The following AKAP11 variants were observed in gnomAD, a reference collection of about 807,000 sequenced individuals.
AKAP11 encodes A-kinase anchoring protein 11, also known as A-kinase anchor protein 11.
In AKAP11, 36 loss-of-function variants were observed where a neutral mutation model predicts 146.1. The ratio of observed to expected loss-of-function variants is 0.25; its 90% CI spans 0.19 to 0.33. AKAP11 has a LOEUF of 0.33. AKAP11 is among the 10% of genes least tolerant of loss of function. The pLI, the probability that AKAP11 is intolerant of heterozygous loss-of-function variation, is 1.00. For synonymous variants in AKAP11, 780 were observed against 786.5 expected, an observed-to-expected ratio of 0.99 and a Z score of 0.14; for missense variants, 2,201 against 2,197.0, an observed-to-expected ratio of 1.00 and a Z score of -0.04.
rs1960988618 is a variant in AKAP11 at position 42,319,541 on chromosome 13, A to T, written c.*313A>T. The T allele has an allele frequency of 1.4e-5, 3 of 218,358 alleles. No homozygotes were observed. In the South Asian group the frequency reaches 4.2e-4, roughly 30 times the overall value. The allele number at this position is 218,358 out of a possible 1,614,324, so 13.5% of individuals were successfully genotyped here. Reference sequence around the variant, plus strand: ...CATTGTCTGACCACATTCTTTTTGTATCCAAATAGTGCTGCTAGAAACTGC... The same window carrying T: ...CATTGTCTGACCACATTCTTTTTGTTTCCAAATAGTGCTGCTAGAAACTGC... On this transcript the variant is annotated 3_prime_UTR_variant, in exon 13 of 13. Transcript: ENST00000025301.
chr13:42,306,307 A>T (rs1027126624), intron 8 of AKAP11, among the ~76,000 whole-genome samples: 11 of 152,164 alleles, frequency 7.2e-5, no homozygotes, highest in Admixed American at 2.6e-4. Context: ...TCCTCAGTTC[A>T]GTCCTGTCTG....
chr13:42,297,527 A>G (rs541660991), intron 6 of AKAP11, among the ~76,000 whole-genome samples: 117 of 152,030 alleles, frequency 7.7e-4, no homozygotes, highest in Admixed American at 3.3e-3. Flanking sequence ...CCAATTTCAA[A>G]TTTATATAAA....
At chr13:42,306,632 C>T (rs1960273931) in intron 8 of AKAP11, among the ~76,000 whole-genome samples, 1 of 152,098 alleles carries the variant, frequency 6.6e-6, no homozygotes, top group Non-Finnish European at 1.5e-5. Flanking sequence ...GTAGAGTTTA[C>T]GTTTAACATT....
At position 42,300,858 on chromosome 13, in the gene AKAP11, G is replaced by A. The variant is rs759505399; in HGVS notation, c.2112G>A (p.Glu704=). The change falls in exon 8 of 13, where the codon GAG becomes GAA. Residue 704 remains glutamate (E), a synonymous_variant. Transcript: ENST00000025301. ...CTGTAATACAGGAAGCATTCATTGAGCTATCACAAGTTGATGTGACCTTTA... is the reference window on the plus strand; with the variant it reads ...CTGTAATACAGGAAGCATTCATTGAACTATCACAAGTTGATGTGACCTTTA... The part of the protein sequence containing the change: ...SESVIQEAFI[E]LSQVDVTFTT... The A allele has an allele frequency of 6.2e-6, 10 of 1,614,002 alleles. No homozygotes were observed. Among genetic ancestry groups the A allele is most frequent in the Admixed American group, 1.7e-5 (1 of 59,990 alleles).
intron 1 of AKAP11, among the ~76,000 whole-genome samples, chr13:42,282,628 T>C (rs1436781787): frequency 1.7e-4 from 26 of 152,212 alleles, no homozygotes; most frequent in Non-Finnish European, 2.1e-4. Context: ...TTTTGCATTC[T>C]GTGATTTTTC....
rs189814842 is a variant in AKAP11 at position 42,293,105 on chromosome 13, C to T, written c.168+604C>T. 2.6e-5 allele frequency among the ~76,000 whole-genome samples: 4 copies of T among 152,164 alleles called. No homozygotes were observed. In the East Asian group the frequency reaches 7.7e-4, roughly 29 times the overall value. On this transcript the variant is annotated intron_variant, in intron 4 of 12. Coordinates refer to ENST00000025301, the MANE Select transcript of AKAP11 (RefSeq NM_016248.4). ...CCATACTTCATCATCACATTTGTTACCAAATACGAGATGTATTAGGTCGTT... is the reference window on the plus strand; with the variant it reads ...CCATACTTCATCATCACATTTGTTATCAAATACGAGATGTATTAGGTCGTT...
In AKAP11 at chr13:42,301,941, C is replaced by T; in HGVS notation, c.3195C>T (p.Pro1065=). The T allele has an allele frequency of 6.2e-7, 1 of 1,614,138 alleles. No homozygotes were observed. Among genetic ancestry groups the T allele is most frequent in the Non-Finnish European group, 8.5e-7 (1 of 1,179,998 alleles). Residue 1065 remains proline, a synonymous_variant, in exon 8 of 13, where the codon CCC becomes CCT. Coordinates refer to ENST00000025301, the MANE Select transcript of AKAP11 (RefSeq NM_016248.4). ...LEALSFGQEN[P]FPHSHTFSST... is the part of the protein sequence containing the mutation. ...CCTTGTCTTTTGGACAGGAAAACCC[C>T]TTTCCTCATTCACATACTTTCTCAT...
chr13:42,294,069 T>G (rs945692124), intron 4 of AKAP11, among the ~76,000 whole-genome samples: 9 of 152,208 alleles, frequency 5.9e-5, no homozygotes, highest in African/African-American at 2.2e-4. Context: ...TATGTAACAC[T>G]TACATGAAGT....
At chr13:42,312,721 G>T (rs913587730) in intron 9 of AKAP11, among the ~76,000 whole-genome samples, 5 of 152,052 alleles carry the variant, frequency 3.3e-5, no homozygotes, top group African/African-American at 4.8e-5. Flanking sequence ...GTTCAAGATT[G>T]GTCCTAAGAC....
rs756242449 is a variant in AKAP11 at position 42,319,150 on chromosome 13, A to G, written c.5628A>G (p.Gln1876=). 4 of 1,614,136 alleles carry G rather than the reference A, an allele frequency of 2.5e-6. No individual in the cohort carries two copies. The highest frequency in any genetic ancestry group is 2.5e-6 in the Non-Finnish European group (3 of 1,179,992). ...KVGDLLQAVL[Q]YYEVMEKASS... is the part of the protein sequence containing the mutation. ...GAGACCTCCTGCAGGCTGTGCTTCA[A>G]TACTATGAAGTGATGGAAAAAGCTT... The change falls in exon 13 of 13, where the codon CAA becomes CAG. Residue 1876 remains glutamine, a synonymous_variant. Transcript: ENST00000025301.
intron 4 of AKAP11, among the ~76,000 whole-genome samples, chr13:42,294,391 T>G (rs1028781267): frequency 6.6e-6 from 1 of 152,028 alleles, no homozygotes. Context: ...AAAAGTAGTA[T>G]ATATATATTT....
intron 3 of AKAP11, among the ~76,000 whole-genome samples, chr13:42,291,138 G>T (rs1378269774): frequency 6.6e-6 from 1 of 151,962 alleles, no homozygotes; most frequent in African/African-American, 2.4e-5. Flanking sequence ...GATTGCAGCT[G>T]TTTGAGTTAA....
rs1190530227 is a variant in AKAP11 at position 42,320,884 on chromosome 13, TA to T, written c.*1659del. On this transcript the variant is annotated 3_prime_UTR_variant, in exon 13 of 13. Coordinates refer to ENST00000025301, the MANE Select transcript of AKAP11 (RefSeq NM_016248.4). ...TTCAAGAAAAATGCCAAAAGCTATT[TA>T]AATAATTCGAGGTTACATCGTAGGT... is the stretch of plus-strand genomic sequence containing the variant. The T allele has an allele frequency of 6.6e-6, 1 of 152,352 alleles. No individual in the cohort carries two copies. Among genetic ancestry groups the T allele is most frequent in the African/African-American group, 2.4e-5 (1 of 41,444 alleles). 9.4% of individuals were successfully genotyped at this position (152,352 alleles called of 1,614,324 possible). A position where few individuals can be genotyped will look rare whatever the true frequency, so the allele number is the denominator to read the frequency against.
chr13:42,298,873 G>A (rs1025508872), intron 7 of AKAP11, 76 bp downstream of exon 7: 2 of 1,408,678 alleles, frequency 1.4e-6, no homozygotes, highest in Non-Finnish European at 1.9e-6. Context: ...AGGCAGGCTT[G>A]TTCAGTTGAA....
chr13:42,301,032 G>A lies in AKAP11; in HGVS notation c.2286G>A (p.Lys762=), dbSNP rs1282440884. 5.0e-6 allele frequency: 8 copies of A among 1,613,970 alleles called. No homozygotes were observed. The highest frequency in any genetic ancestry group is 1.1e-5 in the South Asian group (1 of 91,074). The change falls in exon 8 of 13, where the codon AAG becomes AAA. Residue 762 remains lysine, a synonymous_variant. Coordinates refer to ENST00000025301, the MANE Select transcript of AKAP11 (RefSeq NM_016248.4). ...CAAAACCAGTGCAGGAATATAAAAA[G>A]GAATACACAGTGCAGCAGGCCTTGT... The part of the protein sequence containing the change: ...MVTKPVQEYK[K]EYTVQQALFC...
intron 6 of AKAP11, 96 bp from the exon 7 acceptor site, chr13:42,298,437 T>C (rs1399974997): frequency 3.7e-6 from 5 of 1,343,268 alleles, no homozygotes; most frequent in Middle Eastern, 2.0e-4. Context: ...TTCTTGTTTG[T>C]TTTTTTCTCT....
In AKAP11 at chr13:42,303,360, A is replaced by C. The variant is rs1310014532; in HGVS notation, c.4614A>C (p.Gln1538His). The C allele has an allele frequency of 3.7e-6, 6 of 1,613,000 alleles. No individual in the cohort carries two copies. The Admixed American group carries it at 1.0e-4, about 27-fold the overall frequency. ...ATGGTTGTGGAGACAATGTTGTTCA[A>C]GCTGTAGAACAGTATGCCAAAAAAG... is the stretch of plus-strand genomic sequence containing the variant. ...NGYGCGDNVV[Q>H]AVEQYAKKVV... The change falls in exon 8 of 13, where the codon CAA becomes CAC. Residue 1538 changes from glutamine to histidine, a missense_variant. Transcript: ENST00000025301.
chr13:42,313,038 C>T lies in AKAP11; in HGVS notation c.5274-9C>T, dbSNP rs1330221320. 3.7e-5 allele frequency: 59 copies of T among 1,610,216 alleles called. No homozygotes were observed. The highest frequency in any genetic ancestry group is 5.0e-5 in the Non-Finnish European group (59 of 1,177,444). ...CTAGTTCAGCTCTGTTCTTTTCTTCCTCTGGCAGTAATGGTAACAGCAGTA... is the reference window on the plus strand; with the variant it reads ...CTAGTTCAGCTCTGTTCTTTTCTTCTTCTGGCAGTAATGGTAACAGCAGTA... On this transcript the variant is annotated splice_polypyrimidine_tract_variant and intron_variant, in intron 9 of 12. Coordinates refer to ENST00000025301, the MANE Select transcript of AKAP11 (RefSeq NM_016248.4).
rs77192419 is a variant in AKAP11 at position 42,318,339 on chromosome 13, A to T, written c.5565+651A>T. On this transcript the variant is annotated intron_variant, in intron 12 of 12. Coordinates refer to ENST00000025301, the MANE Select transcript of AKAP11 (RefSeq NM_016248.4). ...TTGGAGAACATACTAAAAACCATTG[A>T]CTAGGACACTTTGGGTGAATTGTAT... Among the ~76,000 whole-genome samples, 670 of 152,334 alleles carry T rather than the reference A, an allele frequency of 4.4e-3. 13 individuals are homozygous for T. The East Asian group carries it at 0.068, about 15-fold the overall frequency.
Sources: gnomAD v4.1 joint callset for allele counts (sites outside exome capture counted in the v4.1 genomes callset) on GRCh38, gnomAD v4.1.1 for gene constraint, MANE v1.5 for transcripts, NCBI Gene and HGNC (gene_info 2026-07-23, HGNC 2026-07-21) for gene names.